The following DHTKD1 variants were observed in gnomAD, a reference collection of about 807,000 sequenced individuals.
DHTKD1 encodes the protein 2-oxoadipate dehydrogenase complex component E1.
Under a neutral mutation model 101.8 loss-of-function variants are expected in DHTKD1, and 78 were observed. That is an observed-to-expected ratio of 0.77 (90% CI 0.64 to 0.93). The LOEUF is 0.93. Among genes scored for constraint, DHTKD1 ranks in the 40% least tolerant of loss-of-function variants. The pLI is 0.00. For missense variants in DHTKD1, 1,223 were observed against 1,161.7 expected (o/e 1.05, Z -0.77); for synonymous variants, 462 against 450.3 (o/e 1.03, Z -0.33).
At position 12,113,083 on chromosome 10, in the gene DHTKD1, A is replaced by G; in HGVS notation, c.2319+19A>G. ...GCTCCCGGTAAGCAGAAGGTGGTGA[A>G]TAAGCCTTCCTCCTTTTGTCATTTT... On this transcript the variant is annotated intron_variant, in intron 13 of 16. Transcript: ENST00000263035. The G allele has an allele frequency of 6.3e-7, 1 of 1,575,408 alleles. No homozygotes were observed. The highest frequency in any genetic ancestry group is 1.9e-5 in the Admixed American group (1 of 53,062).
Position 12,117,722 on chromosome 10 carries a change from C to T in DHTKD1, c.2369C>T (p.Pro790Leu), listed in dbSNP as rs776497952. 1.2e-5 allele frequency: 20 copies of T among 1,605,442 alleles called. No individual in the cohort carries two copies. The highest frequency in any genetic ancestry group is 7.8e-5 in the South Asian group (7 of 89,566). Residue 790 changes from proline to leucine, a missense_variant, in exon 14 of 17, where the codon CCG becomes CTG. By Grantham distance (98) the Pro-to-Leu change is moderately conservative. Transcript: ENST00000263035. ...QEMAPGTTFNPVIGDSSVDPK... is the reference protein window; with the variant it reads ...QEMAPGTTFNLVIGDSSVDPK... ...ATGGCACCAGGAACAACATTTAACC[C>T]GGTCATTGGTGATTCATCTGTGGAT...
rs975645595 is a variant in DHTKD1, at chr10:12,110,632, T to G, written c.2155-2268T>G. Among the ~76,000 whole-genome samples the G allele has an allele frequency of 6.6e-5, 10 of 152,294 alleles. No individual in the cohort carries two copies. The highest frequency in any genetic ancestry group is 2.4e-4 in the African/African-American group (10 of 41,572). On this transcript the variant is annotated intron_variant, in intron 12 of 16. Transcript: ENST00000263035. The surrounding 1 kb of genome is among the most constrained non-coding windows in gnomAD (Gnocchi z 4.9). ...TTACCAGACCCGTCACCTCACATACTCACCATTTTTGGGGAAGAGAACATT... is the reference window on the plus strand; with the variant it reads ...TTACCAGACCCGTCACCTCACATACGCACCATTTTTGGGGAAGAGAACATT...
Position 12,084,580 on chromosome 10 carries a change from AGT to A in DHTKD1, c.354_355del (p.Leu119SerfsTer14). ...MGKEEASLEEVLVYLNQIYCG... is the reference protein window; with the variant it reads ...MGKEEASLEEXLVYLNQIYCG... ...GGAAGGAAGAGGCCTCACTTGAGGA[AGT>A]GTTAGTCTATCTCAATCAAATCTAC... On this transcript the variant is annotated frameshift_variant, in exon 3 of 17. Coordinates refer to ENST00000263035, the MANE Select transcript of DHTKD1 (RefSeq NM_018706.7). LOFTEE classifies it high-confidence loss of function. 6.2e-7 allele frequency: 1 copy of A among 1,613,370 alleles called. No homozygotes were observed. The highest frequency in any genetic ancestry group is 1.1e-5 in the South Asian group (1 of 91,070).
In DHTKD1 at chr10:12,112,873, T is replaced by C. The variant is rs1352407255; in HGVS notation, c.2155-27T>C. The C allele has an allele frequency of 5.1e-6, 8 of 1,575,116 alleles. No homozygotes were observed. In the South Asian group the frequency reaches 7.0e-5, roughly 14 times the overall value. On this transcript the variant is annotated intron_variant, in intron 12 of 16. Transcript: ENST00000263035. ...CTGAAATAGATGATCTGAACATTCT[T>C]CTCCTTTCTTGCCACTTCTCTCCCA...
intron 1 of DHTKD1, among the ~76,000 whole-genome samples, chr10:12,073,189 C>T (rs529472107): frequency 2.5e-4 from 38 of 151,894 alleles, no homozygotes; most frequent in African/African-American, 7.0e-4. Flanking sequence ...TATGCCACCC[C>T]GCCCAGCTAA....
intron 1 of DHTKD1, among the ~76,000 whole-genome samples, chr10:12,079,165 G>C (rs9423858): frequency 0.99 from 151,238 of 152,244 alleles, 75,131 homozygotes; most frequent in East Asian, 1. Context: ...TTCCAGCTCA[G>C]TGCAGCCTCG....
In DHTKD1 at chr10:12,120,231, T is replaced by C; in HGVS notation, c.2622T>C (p.Phe874=). 6.2e-7 allele frequency: 1 copy of C among 1,614,052 alleles called. No individual in the cohort carries two copies. The highest frequency in any genetic ancestry group is 8.5e-7 in the Non-Finnish European group (1 of 1,179,938). Residue 874 remains phenylalanine (F), a synonymous_variant, in exon 16 of 17, where the codon TTT becomes TTC. Coordinates refer to ENST00000263035, the MANE Select transcript of DHTKD1 (RefSeq NM_018706.7). The part of the protein sequence containing the change: ...EEPQNMGPWS[F]VSPRFEKQLA... Reference sequence around the variant, plus strand: ...CTCAGAACATGGGTCCGTGGTCGTTTGTTTCTCCAAGGTTTGAAAAGCAGC... The same window carrying C: ...CTCAGAACATGGGTCCGTGGTCGTTCGTTTCTCCAAGGTTTGAAAAGCAGC...
chr10:12,082,081 C>T (rs954790832), intron 2 of DHTKD1, among the ~76,000 whole-genome samples: 10 of 151,694 alleles, frequency 6.6e-5, no homozygotes, highest in Admixed American at 2.0e-4. Context: ...GAGCCTTGAT[C>T]GTGCCACTGC....
Position 12,087,461 on chromosome 10 carries a change from C to T in DHTKD1, c.523-74C>T. The T allele has an allele frequency of 7.3e-7, 1 of 1,365,806 alleles. No homozygotes were observed. The highest frequency in any genetic ancestry group is 1.0e-6 in the Non-Finnish European group (1 of 992,578). 84.6% of individuals were successfully genotyped at this position (1,365,806 alleles called of 1,614,324 possible). A position where few individuals can be genotyped will look rare whatever the true frequency, so the allele number is the denominator to read the frequency against. On this transcript the variant is annotated intron_variant, in intron 3 of 16. Coordinates refer to ENST00000263035, the MANE Select transcript of DHTKD1 (RefSeq NM_018706.7). This position sits in a 1 kb window ranked among gnomAD's most constrained non-coding sequence, Gnocchi z 5.2. The stretch of plus-strand genomic sequence containing the variant: ...GAGTGTGGGGCCATCTCACAACACA[C>T]ACAGACTTATCTGCCTTCCACTGGA...
chr10:12,094,253 T>A lies in DHTKD1; in HGVS notation c.1340T>A (p.Ile447Asn), dbSNP rs1588610706. 6.2e-7 allele frequency: 1 copy of A among 1,614,112 alleles called. No homozygotes were observed. The highest frequency in any genetic ancestry group is 1.3e-5 in the African/African-American group (1 of 75,044). ...ELDEPFYTNP[I>N]MYKIIRARKS... is the part of the protein sequence containing the mutation. ...GATGAGCCATTCTACACCAACCCCA[T>A]CATGTACAAAATCATCAGGTACAAT... The change falls in exon 7 of 17, where the codon ATC becomes AAC. Residue 447 changes from isoleucine (I) to asparagine (N), a missense_variant. By Grantham distance (149) the Ile-to-Asn change is moderately radical. Transcript: ENST00000263035.
chr10:12,116,583 G>GTACTAAA (rs1464055192), intron 13 of DHTKD1, among the ~76,000 whole-genome samples: 99 of 151,690 alleles, frequency 6.5e-4, no homozygotes, highest in Non-Finnish European at 1.1e-3. Flanking sequence ...TAGAGACGGG[G>GTACTAAA]TTTCACCATG....
intron 1 of DHTKD1, among the ~76,000 whole-genome samples, chr10:12,072,936 G>C (rs1303634174): frequency 6.6e-6 from 1 of 151,900 alleles, no homozygotes; most frequent in East Asian, 1.9e-4. Context: ...GGGTTTCTCT[G>C]TGTTGGTCAG....
chr10:12,073,010 AC>A (rs1323580245), intron 1 of DHTKD1, among the ~76,000 whole-genome samples: 2 of 151,858 alleles, frequency 1.3e-5, no homozygotes, highest in East Asian at 3.9e-4. Flanking sequence ...TGCTGGGATT[AC>A]AGGCATGAGC....
intron 10 of DHTKD1, among the ~76,000 whole-genome samples, chr10:12,102,465 C>T (rs1833187304): frequency 6.7e-6 from 1 of 149,892 alleles, no homozygotes; most frequent in African/African-American, 2.5e-5. Flanking sequence ...GCAAAAGCCA[C>T]ATTTTAGGAA....
chr10:12,097,884 C>T lies in DHTKD1; in HGVS notation c.1559C>T (p.Thr520Ile), dbSNP rs113592814. 1.2e-6 allele frequency: 2 copies of T among 1,614,200 alleles called. No homozygotes were observed. Among genetic ancestry groups the T allele is most frequent in the South Asian group, 1.1e-5 (1 of 91,084 alleles). ...QGLAQPEAQITTWSTGVPLDL... is the reference protein window; with the variant it reads ...QGLAQPEAQIITWSTGVPLDL... ...CTGGCTCAGCCAGAAGCGCAAATCA[C>T]CACCTGGAGTACAGGTGTGCCCCTC... The change falls in exon 8 of 17, where the codon ACC becomes ATC. Residue 520 changes from threonine (T) to isoleucine (I), a missense_variant. By Grantham distance (89) the Thr-to-Ile change is moderately conservative. Transcript: ENST00000263035.
intron 3 of DHTKD1, among the ~76,000 whole-genome samples, chr10:12,086,784 G>A (rs1369324973): frequency 6.6e-6 from 1 of 151,666 alleles, no homozygotes; most frequent in African/African-American, 2.4e-5. Flanking sequence ...TCCGCCTCCT[G>A]GACTCAAGCA....
chr10:12,090,367 C>T (rs1367860893), intron 5 of DHTKD1, among the ~76,000 whole-genome samples: 1 of 92,552 alleles, frequency 1.1e-5, no homozygotes, highest in East Asian at 3.0e-4. Flanking sequence ...GGCCCTCCCT[C>T]CCTTCCTTCC....
At position 12,069,020 on chromosome 10, in the gene DHTKD1, G is replaced by A. The variant is rs1235923487; in HGVS notation, c.-14G>A. On this transcript the variant is annotated 5_prime_UTR_variant, in exon 1 of 17. Transcript: ENST00000263035. ...GCTCCCGCCTTAGCATGCTGGCCGG[G>A]ACATCTGGTGAACATGGCCTCTGCT... 3 of 1,612,986 alleles carry A rather than the reference G, an allele frequency of 1.9e-6. No homozygotes were observed. The highest frequency in any genetic ancestry group is 2.5e-6 in the Non-Finnish European group (3 of 1,179,580).
intron 7 of DHTKD1, 103 bp downstream of exon 7, chr10:12,094,374 G>A: frequency 9.5e-7 from 1 of 1,050,182 alleles, no homozygotes; most frequent in South Asian, 1.4e-5. Context: ...CTGGAATGCA[G>A]TAGCACGATC....
Sources: allele counts gnomAD v4.1 joint callset (sites outside exome capture counted in the v4.1 genomes callset), GRCh38; gene constraint gnomAD v4.1.1; non-coding constraint Gnocchi (gnomAD v3.1); transcripts MANE v1.5; gene names NCBI Gene and HGNC (gene_info 2026-07-23, HGNC 2026-07-21).